TLK1: variants seen among roughly 807,000 people sequenced by gnomAD.
The protein encoded by TLK1 is serine/threonine-protein kinase tousled-like 1.
Under a neutral mutation model 105.3 loss-of-function variants are expected in TLK1, and 24 were observed. That is an observed-to-expected ratio of 0.23 (90% CI 0.17 to 0.32). The LOEUF is 0.32. TLK1 is among the 10% of genes least tolerant of loss of function. The pLI is 1.00. For missense variants in TLK1, 558 were observed against 910.5 expected, an observed-to-expected ratio of 0.61 and a Z score of 4.98; for synonymous variants, 321 against 310.4, an observed-to-expected ratio of 1.03 and a Z score of -0.36.
intron 13 of TLK1, among the ~76,000 whole-genome samples, chr2:171,014,198 A>G (rs1018559283): frequency 1.3e-5 from 2 of 152,202 alleles, no homozygotes; most frequent in African/African-American, 4.8e-5. Context: ...TCTAGGCTTT[A>G]CGGATACAGC....
intron 1 of TLK1, among the ~76,000 whole-genome samples, chr2:171,224,552 A>T (rs1693865331): frequency 6.6e-6 from 1 of 152,174 alleles, no homozygotes. Context: ...ATTATAGTAA[A>T]CTACTAAATA....
At chr2:171,018,287 T>C (rs554373583) in intron 12 of TLK1, among the ~76,000 whole-genome samples, 3 of 152,360 alleles carry the variant, frequency 2.0e-5, no homozygotes, top group African/African-American at 7.2e-5. Context: ...AAACTCTGCC[T>C]GATCTTGTCA....
chr2:171,209,066 C>T (rs1357875330), intron 1 of TLK1, among the ~76,000 whole-genome samples: 1 of 152,150 alleles, frequency 6.6e-6, no homozygotes, highest in Non-Finnish European at 1.5e-5. Flanking sequence ...TGGGGAAGCT[C>T]TTTATGTACT....
intron 1 of TLK1, among the ~76,000 whole-genome samples, chr2:171,141,421 G>A (rs1363084333): frequency 6.6e-6 from 1 of 152,114 alleles, no homozygotes; most frequent in African/African-American, 2.4e-5. Context: ...GCTGGCACTG[G>A]GCAGTGCAGT....
intron 2 of TLK1, among the ~76,000 whole-genome samples, chr2:171,088,090 G>C (rs182047632): frequency 1.1e-3 from 162 of 152,242 alleles, no homozygotes; most frequent in Middle Eastern, 6.8e-3. Flanking sequence ...CAGCACTTTG[G>C]GGGGCTGAAG....
At chr2:171,191,032 G>A (rs1194468176) in intron 1 of TLK1, among the ~76,000 whole-genome samples, 5 of 151,686 alleles carry the variant, frequency 3.3e-5, no homozygotes, top group African/African-American at 4.8e-5. Context: ...GTGGTGGTGC[G>A]GGCCTATAAT....
At chr2:171,142,176 G>T (rs987793059) in intron 1 of TLK1, among the ~76,000 whole-genome samples, 1 of 150,926 alleles carries the variant, frequency 6.6e-6, no homozygotes, top group Non-Finnish European at 1.5e-5. Context: ...ATTAAGCCAA[G>T]TTGGGGGGTG....
intron 1 of TLK1, among the ~76,000 whole-genome samples, chr2:171,200,794 G>A (rs1410269184): frequency 6.6e-6 from 1 of 151,774 alleles, no homozygotes; most frequent in Non-Finnish European, 1.5e-5. Context: ...GAATCAATCA[G>A]ATTTTAGTTT....
At chr2:171,178,725 T>C (rs1692876380) in intron 1 of TLK1, among the ~76,000 whole-genome samples, 1 of 152,242 alleles carries the variant, frequency 6.6e-6, no homozygotes, top group Admixed American at 6.5e-5. Context: ...ACAAAGCTGC[T>C]GTAATATATA....
intron 2 of TLK1, among the ~76,000 whole-genome samples, chr2:171,086,897 A>G (rs1009426885): frequency 6.6e-6 from 1 of 152,164 alleles, no homozygotes; most frequent in African/African-American, 2.4e-5. Context: ...TCTGCATATT[A>G]ACTCTGCCTA....
intron 12 of TLK1, among the ~76,000 whole-genome samples, chr2:171,027,926 G>A (rs1261804796): frequency 6.6e-6 from 1 of 152,180 alleles, no homozygotes; most frequent in African/African-American, 2.4e-5. Context: ...ACCTTGGGAG[G>A]CCAAGGTGGG....
intron 3 of TLK1, among the ~76,000 whole-genome samples, chr2:171,065,683 G>A (rs569584660): frequency 3.3e-5 from 5 of 151,720 alleles, no homozygotes; most frequent in Non-Finnish European, 7.4e-5. Flanking sequence ...GACTACAGGC[G>A]CCCGCCACTA....
intron 2 of TLK1, among the ~76,000 whole-genome samples, chr2:171,094,304 T>C (rs2105494621): frequency 6.6e-6 from 1 of 151,732 alleles, no homozygotes; most frequent in Admixed American, 6.6e-5. Context: ...TATGAAGAAA[T>C]TAAAATCATG....
intron 1 of TLK1, among the ~76,000 whole-genome samples, chr2:171,136,419 C>A (rs1048684674): frequency 2.0e-5 from 3 of 152,170 alleles, no homozygotes; most frequent in African/African-American, 7.2e-5. Flanking sequence ...ACACTTAACA[C>A]TACCGACTTA....
chr2:171,066,973 T>G, intron 3 of TLK1: 1 of 1,536,080 alleles, frequency 6.5e-7, no homozygotes, highest in Non-Finnish European at 8.8e-7. Context: ...GTGCTTGTAA[T>G]AGTCAAATTC....
chr2:171,041,391 A>G (rs1433856207), intron 11 of TLK1, among the ~76,000 whole-genome samples: 4 of 152,220 alleles, frequency 2.6e-5, no homozygotes, highest in Non-Finnish European at 4.4e-5. Flanking sequence ...GTCTGACTAC[A>G]GAACCTAAAG....
At chr2:171,203,714 G>A (rs1036155600) in intron 1 of TLK1, among the ~76,000 whole-genome samples, 10 of 152,114 alleles carry the variant, frequency 6.6e-5, no homozygotes, top group African/African-American at 2.4e-4. Flanking sequence ...TGTTATTAAA[G>A]TTACTACAGG....
At chr2:171,102,695 T>C (rs1689742597) in intron 2 of TLK1, among the ~76,000 whole-genome samples, 8 of 152,218 alleles carry the variant, frequency 5.3e-5, no homozygotes. Flanking sequence ...GGAGACTTAG[T>C]CCTTAAAAAA....
At position 171,188,721 on chromosome 2, in the gene TLK1, A is replaced by G. The variant is rs544179340; in HGVS notation, c.-6+42424T>C. On this transcript the variant is annotated intron_variant, in intron 1 of 20. Transcript: ENST00000521943. ...ACTCTGTCTCAAAAAAAAAAAAAAA[A>G]AAAAGAAAATTAGTAGGACGTGGTG... 4.3e-3 allele frequency among the ~76,000 whole-genome samples: 643 copies of G among 151,270 alleles called. 3 individuals carry two copies. The highest frequency in any genetic ancestry group is 0.019 in the East Asian group (99 of 5,160).
Sources: gnomAD v4.1 joint callset for allele counts (sites outside exome capture counted in the v4.1 genomes callset) on GRCh38, gnomAD v4.1.1 for gene constraint, MANE v1.5 for transcripts, NCBI Gene and HGNC (gene_info 2026-07-23, HGNC 2026-07-21) for gene names.